CAMTA1: variants seen among roughly 807,000 people sequenced by gnomAD.
CAMTA1 encodes the protein calmodulin binding transcription activator 1, also known as calmodulin-binding transcription activator 1.
Under a neutral mutation model 170.9 loss-of-function variants are expected in CAMTA1, and 27 were observed. The observed-to-expected ratio is 0.16, with a 90% CI of 0.12 to 0.22. The LOEUF (loss-of-function observed/expected upper bound fraction) is 0.22. CAMTA1 is among the 10% of genes least tolerant of loss of function. The pLI, the probability that CAMTA1 is intolerant of heterozygous loss-of-function variation, is 1.00. For missense variants in CAMTA1, 1,619 were observed against 2,217.2 expected (o/e 0.73, Z 5.42); for synonymous variants, 833 against 891.5 (o/e 0.93, Z 1.17).
intron 6 of CAMTA1, among the ~76,000 whole-genome samples, chr1:7,593,792 C>G (rs970130257): frequency 2.0e-5 from 3 of 149,604 alleles, no homozygotes; most frequent in African/African-American, 7.4e-5. Flanking sequence ...TACCTGGCCC[C>G]TAACACTAGG....
intron 6 of CAMTA1, among the ~76,000 whole-genome samples, chr1:7,578,032 CTG>C (rs1488151822): frequency 6.6e-6 from 1 of 152,186 alleles, no homozygotes; most frequent in Non-Finnish European, 1.5e-5. Context: ...TTTTCCCAGA[CTG>C]TTTAATATGT....
intron 5 of CAMTA1, among the ~76,000 whole-genome samples, chr1:7,385,122 C>T (rs986354876): frequency 6.7e-6 from 1 of 149,610 alleles, no homozygotes; most frequent in African/African-American, 2.5e-5. Flanking sequence ...CAGAGTCTCG[C>T]TCTGTCACCC....
At chr1:6,825,061 T>C (rs753668929) in intron 2 of CAMTA1, 31 bp from the exon 3 acceptor site, 1 of 1,285,636 alleles carries the variant, frequency 7.8e-7, no homozygotes, top group East Asian at 2.3e-5. Context: ...ATCTATTATT[T>C]TCTCTAAATT....
At chr1:6,914,185 A>G (rs927715507) in intron 3 of CAMTA1, among the ~76,000 whole-genome samples, 5 of 149,534 alleles carry the variant, frequency 3.3e-5, no homozygotes, top group African/African-American at 1.2e-4. Flanking sequence ...GCTCACTGCA[A>G]CCTCTGCCTC....
intron 5 of CAMTA1, among the ~76,000 whole-genome samples, chr1:7,329,881 C>T (rs1289081594): frequency 6.6e-6 from 1 of 152,028 alleles, no homozygotes; most frequent in African/African-American, 2.4e-5. Context: ...TATGAAAATA[C>T]GCAACTGGCA....
At position 6,887,691 on chromosome 1, in the gene CAMTA1, A is replaced by G; in HGVS notation, c.234+62481A>G. 6.5e-7 allele frequency: 1 copy of G among 1,535,344 alleles called. No homozygotes were observed. The highest frequency in any genetic ancestry group is 8.7e-7 in the Non-Finnish European group (1 of 1,146,652). ...CACTTGTTCATGGGCGCAGCAAAGA[A>G]GAGGGATCCACAGAGCTGGAGCCAT... On this transcript the variant is annotated intron_variant, in intron 3 of 22. Transcript: ENST00000303635. This position sits in a 1 kb window ranked among gnomAD's most constrained non-coding sequence, Gnocchi z 4.1.
chr1:7,686,406 G>A (rs956712939), intron 11 of CAMTA1, among the ~76,000 whole-genome samples: 3 of 152,190 alleles, frequency 2.0e-5, no homozygotes, highest in Admixed American at 1.3e-4. Context: ...GTAAGACCGT[G>A]GGGGGAATAT....
chr1:7,412,870 A>G (rs2090888834), intron 5 of CAMTA1, among the ~76,000 whole-genome samples: 1 of 152,182 alleles, frequency 6.6e-6, no homozygotes, highest in African/African-American at 2.4e-5. Context: ...GTTTTCTTCT[A>G]GGGTTTTTAT....
chr1:7,735,299 C>T (rs2096763020), intron 12 of CAMTA1, among the ~76,000 whole-genome samples: 1 of 152,102 alleles, frequency 6.6e-6, no homozygotes, highest in African/African-American at 2.4e-5. Context: ...TGTTCGAGAC[C>T]AGCCTGGCCA....
At chr1:6,854,018 A>G (rs530539355) in intron 3 of CAMTA1, among the ~76,000 whole-genome samples, 1 of 152,224 alleles carries the variant, frequency 6.6e-6, no homozygotes, top group Non-Finnish European at 1.5e-5. Flanking sequence ...CAGTAAGGAC[A>G]TAGAAGATTT....
chr1:7,121,582 C>T (rs1209624314), intron 4 of CAMTA1, among the ~76,000 whole-genome samples: 1 of 152,190 alleles, frequency 6.6e-6, no homozygotes, highest in African/African-American at 2.4e-5. Context: ...GCACTTTTCT[C>T]AGATAATTCA....
chr1:7,501,353 C>T (rs535224409), intron 6 of CAMTA1, among the ~76,000 whole-genome samples: 10 of 152,276 alleles, frequency 6.6e-5, no homozygotes, highest in Non-Finnish European at 1.0e-4. Context: ...CCTTTGTTCC[C>T]GGGATCTCCG....
chr1:6,953,120 T>G (rs1035097048), intron 3 of CAMTA1, among the ~76,000 whole-genome samples: 3 of 152,216 alleles, frequency 2.0e-5, no homozygotes, highest in African/African-American at 7.2e-5. Flanking sequence ...TTTGCAAACA[T>G]GATTTGTAAT....
chr1:6,926,434 T>TTTC (rs1557837471), intron 3 of CAMTA1, among the ~76,000 whole-genome samples: 109 of 127,344 alleles, frequency 8.6e-4, no homozygotes, highest in Middle Eastern at 4.3e-3. Context: ...TCTTTCTTTC[T>TTTC]TTTCTCTTTC....
rs551760159 is a variant in CAMTA1 at position 7,063,374 on chromosome 1, C to T, written c.235-27930C>T. Among the ~76,000 whole-genome samples the T allele has an allele frequency of 1.3e-5, 2 of 152,280 alleles. No homozygotes were observed. The highest frequency in any genetic ancestry group is 1.9e-4 in the East Asian group (1 of 5,168). The stretch of plus-strand genomic sequence containing the variant: ...TGTCATCTGCAGCGCTTTGCTTACC[C>T]GTTTGACCACGACACCACCGCACCT... On this transcript the variant is annotated intron_variant, in intron 3 of 22. Coordinates refer to ENST00000303635, the MANE Select transcript of CAMTA1 (RefSeq NM_015215.4). The surrounding 1 kb of genome is among the most constrained non-coding windows in gnomAD (Gnocchi z 4.3).
intron 6 of CAMTA1, among the ~76,000 whole-genome samples, chr1:7,489,654 A>C (rs1339992687): frequency 6.6e-6 from 1 of 152,204 alleles, no homozygotes; most frequent in Non-Finnish European, 1.5e-5. Context: ...AGCATTGCGC[A>C]GAATTTATCC....
intron 3 of CAMTA1, among the ~76,000 whole-genome samples, chr1:6,911,901 T>C (rs1679767765): frequency 6.6e-6 from 1 of 152,264 alleles, no homozygotes; most frequent in Admixed American, 6.5e-5. Context: ...GATGAGCAGC[T>C]GAATGTGACA....
intron 5 of CAMTA1, among the ~76,000 whole-genome samples, chr1:7,420,561 C>T (rs1036698403): frequency 6.6e-6 from 1 of 150,872 alleles, no homozygotes; most frequent in African/African-American, 2.4e-5. Context: ...CCATGTGGCC[C>T]TCGTTTGCTC....
intron 3 of CAMTA1, among the ~76,000 whole-genome samples, chr1:6,952,559 GGT>G (rs1688696656): frequency 6.6e-6 from 1 of 151,208 alleles, no homozygotes; most frequent in African/African-American, 2.4e-5. Flanking sequence ...TATTTGGCCA[GGT>G]GTGTCTCACG....
Sources: allele counts gnomAD v4.1 joint callset (sites outside exome capture counted in the v4.1 genomes callset), GRCh38; gene constraint gnomAD v4.1.1; non-coding constraint Gnocchi (gnomAD v3.1); transcripts MANE v1.5; gene names NCBI Gene and HGNC (gene_info 2026-07-23, HGNC 2026-07-21).